GRK2: variants seen among roughly 807,000 people sequenced by gnomAD.
GRK2 encodes G protein-coupled receptor kinase 2.
A neutral mutation model predicts 97.8 loss-of-function variants in GRK2; 23 were observed. That is an observed-to-expected ratio of 0.24 (90% CI 0.17 to 0.33). The LOEUF (loss-of-function observed/expected upper bound fraction) is 0.33. Among genes scored for constraint, GRK2 ranks in the 10% least tolerant of loss-of-function variants. The pLI, the probability that GRK2 is intolerant of heterozygous loss-of-function variation, is 1.00. For synonymous variants in GRK2, 425 were observed against 381.7 expected, an observed-to-expected ratio of 1.11 and a Z score of -1.32; for missense variants, 633 against 956.9, an observed-to-expected ratio of 0.66 and a Z score of 4.47.
Position 67,282,054 on chromosome 11 carries a change from T to C in GRK2, c.957+102T>C, listed in dbSNP as rs1860164301. The C allele has an allele frequency of 2.0e-6, 3 of 1,491,278 alleles. No homozygotes were observed. Among genetic ancestry groups the C allele is most frequent in the African/African-American group, 1.4e-5 (1 of 72,460 alleles). 92.4% of individuals were successfully genotyped at this position (1,491,278 alleles called of 1,614,324 possible). ...CCAGAGGAGTGGGGCTCCTGGGACA[T>C]GGCCGCCCCGTATCTTCCCATCTCC... On this transcript the variant is annotated intron_variant, in intron 11 of 20. Transcript: ENST00000308595. This position sits in a 1 kb window ranked among gnomAD's most constrained non-coding sequence, Gnocchi z 6.9.
chr11:67,282,011 A>C lies in GRK2; in HGVS notation c.957+59A>C. 6.2e-7 allele frequency: 1 copy of C among 1,604,660 alleles called. No individual in the cohort carries two copies. Among genetic ancestry groups the C allele is most frequent in the Non-Finnish European group, 8.5e-7 (1 of 1,174,420 alleles). On this transcript the variant is annotated intron_variant, in intron 11 of 20. Coordinates refer to ENST00000308595, the MANE Select transcript of GRK2 (RefSeq NM_001619.5). This position sits in a 1 kb window ranked among gnomAD's most constrained non-coding sequence, Gnocchi z 6.9. ...CGTGGCTGTCCTCTCCTTCCTCTCG[A>C]CATCCCGGCCACCAGGCCCAGAGGA... is the stretch of plus-strand genomic sequence containing the variant.
intron 1 of GRK2, among the ~76,000 whole-genome samples, chr11:67,272,099 G>C (rs527865021): frequency 1.8e-4 from 27 of 152,292 alleles, no homozygotes; most frequent in African/African-American, 6.5e-4. Flanking sequence ...CAGGAAGCAT[G>C]GCCCCTGGCT....
chr11:67,286,321 AG>A lies in GRK2; in HGVS notation c.*873del. On this transcript the variant is annotated 3_prime_UTR_variant, in exon 21 of 21. Coordinates refer to ENST00000308595, the MANE Select transcript of GRK2 (RefSeq NM_001619.5). Reference sequence around the variant, plus strand: ...CTGGCCCATCAGTGTACCCCCGCCCAGGCTGGCCAGCCCCACAGCCCACGTC... The same window carrying A: ...CTGGCCCATCAGTGTACCCCCGCCCAGCTGGCCAGCCCCACAGCCCACGTC... The A allele has an allele frequency of 1.5e-6, 1 of 673,510 alleles. No homozygotes were observed. The highest frequency in any genetic ancestry group is 2.7e-6 in the Non-Finnish European group (1 of 374,620). The allele number at this position is 673,510 out of a possible 1,614,324, so 41.7% of individuals were successfully genotyped here.
At chr11:67,284,810 G>A (rs373893938) in intron 18 of GRK2, 37 bp from the exon 19 acceptor site, 27 of 1,602,756 alleles carry the variant, frequency 1.7e-5, no homozygotes, top group East Asian at 2.2e-5. Context: ...AGAAACCCAG[G>A]TGGGGCCGGC....
At position 67,283,394 on chromosome 11, in the gene GRK2, C is replaced by T; in HGVS notation, c.1328+166C>T. The T allele has an allele frequency of 1.2e-5, 8 of 666,288 alleles. No individual in the cohort carries two copies. In the South Asian group the frequency reaches 1.4e-4, roughly 12 times the overall value. The allele number at this position is 666,288 out of a possible 1,614,324, so 41.3% of individuals were successfully genotyped here. On this transcript the variant is annotated intron_variant, in intron 15 of 20. Coordinates refer to ENST00000308595, the MANE Select transcript of GRK2 (RefSeq NM_001619.5). ...ATGTTCTCAGAGTGGAGGGGCTGCC[C>T]TGGGAGTTGGAGCTGCTGGAACCAG... is the stretch of plus-strand genomic sequence containing the variant.
intron 7 of GRK2, 135 bp downstream of exon 7, chr11:67,280,918 G>A (rs1057068194): frequency 2.7e-5 from 32 of 1,191,654 alleles, no homozygotes; most frequent in Non-Finnish European, 3.3e-5. Context: ...TGGCTATGGG[G>A]GTCAGGGCCG....
Position 67,283,839 on chromosome 11 carries a change from CCT to C in GRK2, c.1396-14_1396-13del, listed in dbSNP as rs749183031. The C allele has an allele frequency of 2.5e-6, 4 of 1,612,726 alleles. No individual in the cohort carries two copies. Among genetic ancestry groups the C allele is most frequent in the Non-Finnish European group, 2.5e-6 (3 of 1,179,568 alleles). On this transcript the variant is annotated splice_polypyrimidine_tract_variant and intron_variant, in intron 16 of 20. Coordinates refer to ENST00000308595, the MANE Select transcript of GRK2 (RefSeq NM_001619.5). ...CACCCCCGAGCTAATGCCCATGACC[CCT>C]GTTCTGCTGCAGTACCCTCCCCCGC...
In GRK2 at chr11:67,280,764, A is replaced by G. The variant is rs1234165276; in HGVS notation, c.536A>G (p.Asn179Ser). Reference protein sequence around the residue: ...DKFTRFCQWKNVELNIHLTMN... With the variant: ...DKFTRFCQWKSVELNIHLTMN... ...TTCACACGGTTTTGCCAGTGGAAGA[A>G]TGTGGAGCTCAACATCCACGTGAGT... is the stretch of plus-strand genomic sequence containing the variant. The change falls in exon 7 of 21, where the codon AAT becomes AGT. Residue 179 changes from asparagine (N) to serine (S), a missense_variant. By Grantham distance (46) the Asn-to-Ser change is conservative. Coordinates refer to ENST00000308595, the MANE Select transcript of GRK2 (RefSeq NM_001619.5). 1 of 1,614,076 alleles carries G rather than the reference A, an allele frequency of 6.2e-7. No homozygotes were observed. The highest frequency in any genetic ancestry group is 2.2e-5 in the East Asian group (1 of 44,872).
In GRK2 at chr11:67,279,484, T is replaced by C; in HGVS notation, c.331T>C (p.Ser111Pro). The change falls in exon 4 of 21, where the codon TCA becomes CCA. Residue 111 changes from serine (S) to proline (P), a missense_variant. Around this residue, in one of 4 missense-constraint regions of GRK2, gnomAD observed 193 missense variants for 212.2 expected, o/e 0.91. Transcript: ENST00000308595. ...RVARSREIFDSYIMKELLACS... is the reference protein window; with the variant it reads ...RVARSREIFDPYIMKELLACS... ...GGCCCGCAGCCGGGAGATCTTCGAC[T>C]CATACATCATGAAGGAGCTGCTGGC... 6.2e-7 allele frequency: 1 copy of C among 1,613,328 alleles called. No homozygotes were observed. Among genetic ancestry groups the C allele is most frequent in the Non-Finnish European group, 8.5e-7 (1 of 1,180,010 alleles).
intron 1 of GRK2, among the ~76,000 whole-genome samples, chr11:67,275,412 C>T (rs1187158150): frequency 6.6e-6 from 1 of 152,236 alleles, no homozygotes; most frequent in East Asian, 1.9e-4. Flanking sequence ...CCTGGAAGCC[C>T]TCACGGGGCT....
rs377579068 is a variant in GRK2, at chr11:67,281,214, C to T, written c.647+30C>T. 169 of 1,585,244 alleles carry T rather than the reference C, an allele frequency of 1.1e-4. No homozygotes were observed. The South Asian group carries it at 1.5e-3, about 14-fold the overall frequency. ...GCACCCTGCTCGGCGCGGTGGGATA[C>T]CTCGGGGAGCCGGGCTCCTGGGGGA... On this transcript the variant is annotated intron_variant, in intron 8 of 20. Coordinates refer to ENST00000308595, the MANE Select transcript of GRK2 (RefSeq NM_001619.5). The surrounding 1 kb of genome is among the most constrained non-coding windows in gnomAD (Gnocchi z 5.7).
rs1391848306 is a variant in GRK2, at chr11:67,280,011, G to A, written c.503+111G>A. 1.8e-5 allele frequency: 21 copies of A among 1,158,064 alleles called. No homozygotes were observed. The highest frequency in any genetic ancestry group is 2.6e-5 in the Non-Finnish European group (20 of 779,160). The allele number at this position is 1,158,064 out of a possible 1,614,324, so 71.7% of individuals were successfully genotyped here. Reference sequence around the variant, plus strand: ...GCCTTCATTAGGCCCTGAGCAGGCAGGTGGCTGGCCCGTCAGCGGCCCCCT... The same window carrying A: ...GCCTTCATTAGGCCCTGAGCAGGCAAGTGGCTGGCCCGTCAGCGGCCCCCT... On this transcript the variant is annotated intron_variant, in intron 6 of 20. Coordinates refer to ENST00000308595, the MANE Select transcript of GRK2 (RefSeq NM_001619.5).
chr11:67,284,752 G>A, intron 18 of GRK2, 95 bp from the exon 19 acceptor site: 1 of 1,475,064 alleles, frequency 6.8e-7, no homozygotes, highest in Non-Finnish European at 9.1e-7. Context: ...TTGTGCCACA[G>A]CCCTCCAGCC....
In GRK2 at chr11:67,269,475, C is replaced by T. The variant is rs1262097976; in HGVS notation, c.113+2663C>T. Among the ~76,000 whole-genome samples the T allele has an allele frequency of 6.6e-6, 1 of 152,228 alleles. No homozygotes were observed. Among genetic ancestry groups the T allele is most frequent in the Admixed American group, 6.5e-5 (1 of 15,282 alleles). Reference sequence around the variant, plus strand: ...CCCCTCCACCCACCCCTGCACACCACTGTTCTCGCCTCTGTCCACATTTTG... The same window carrying T: ...CCCCTCCACCCACCCCTGCACACCATTGTTCTCGCCTCTGTCCACATTTTG... On this transcript the variant is annotated intron_variant, in intron 1 of 20. Transcript: ENST00000308595. This position sits in a 1 kb window ranked among gnomAD's most constrained non-coding sequence, Gnocchi z 4.1.
At chr11:67,284,010 C>G (rs1860216967) in intron 17 of GRK2, 61 bp downstream of exon 17, 3 of 1,490,376 alleles carry the variant, frequency 2.0e-6, no homozygotes, top group East Asian at 2.4e-5. Context: ...GGAAGGATCC[C>G]TCTCCCTTCT....
At position 67,281,670 on chromosome 11, in the gene GRK2, C is replaced by T. The variant is rs147086415; in HGVS notation, c.768C>T (p.Cys256=). The change falls in exon 10 of 21, where the codon TGC becomes TGT. Residue 256 remains cysteine, a synonymous_variant. Transcript: ENST00000308595. This position sits in a 1 kb window ranked among gnomAD's most constrained non-coding sequence, Gnocchi z 5.7. ...VSTGDCPFIV[C]MSYAFHTPDK... ...CCTAGGACTGCCCATTCATTGTCTG[C>T]ATGTCATACGCGTTCCACACGCCAG... The T allele has an allele frequency of 6.2e-6, 10 of 1,608,392 alleles. No individual in the cohort carries two copies. Among genetic ancestry groups the T allele is most frequent in the Non-Finnish European group, 8.5e-6 (10 of 1,177,332 alleles).
At chr11:67,271,473 C>T (rs1859905989) in intron 1 of GRK2, among the ~76,000 whole-genome samples, 1 of 152,230 alleles carries the variant, frequency 6.6e-6, no homozygotes, top group South Asian at 2.1e-4. Flanking sequence ...ATAACCCCCT[C>T]CTGGAAACCA....
At chr11:67,283,799 G>A (rs1841499650) in intron 16 of GRK2, 26 bp downstream of exon 16, 2 of 1,612,776 alleles carry the variant, frequency 1.2e-6, no homozygotes, top group Admixed American at 1.7e-5. Flanking sequence ...AGGGACTGGG[G>A]GTGCTCTGCA....
intron 1 of GRK2, among the ~76,000 whole-genome samples, chr11:67,272,484 A>G: frequency 6.6e-6 from 1 of 152,172 alleles, no homozygotes; most frequent in Non-Finnish European, 1.5e-5. Flanking sequence ...AGCCCAGGCC[A>G]CAGAGGATGG....
Sources: allele counts gnomAD v4.1 joint callset (sites outside exome capture counted in the v4.1 genomes callset), GRCh38; gene constraint gnomAD v4.1.1; regional missense constraint gnomAD v4.1.1; non-coding constraint Gnocchi (gnomAD v3.1); transcripts MANE v1.5; gene names NCBI Gene and HGNC (gene_info 2026-07-23, HGNC 2026-07-21).